LMBR1: variants seen among roughly 807,000 people sequenced by gnomAD.
LMBR1 encodes the protein limb development membrane protein 1.
LMBR1 carries 52 observed loss-of-function variants against 73.9 expected under a neutral mutation model. The ratio of observed to expected loss-of-function variants is 0.70; its 90% CI spans 0.56 to 0.89. The LOEUF (loss-of-function observed/expected upper bound fraction) is 0.89. Among genes scored for constraint, LMBR1 ranks in the 40% least tolerant of loss-of-function variants. The pLI is 0.00. For synonymous variants in LMBR1, 215 were observed against 209.4 expected (o/e 1.03, Z -0.23); for missense variants, 539 against 579.8 (o/e 0.93, Z 0.72).
At chr7:156,857,497 T>A (rs1369622910) in intron 1 of LMBR1, among the ~76,000 whole-genome samples, 1 of 152,234 alleles carries the variant, frequency 6.6e-6, no homozygotes, top group Admixed American at 6.5e-5. Flanking sequence ...ATGAATCTAC[T>A]ATTATAGTTG....
At chr7:156,845,935 T>G (rs1328972974) in intron 1 of LMBR1, among the ~76,000 whole-genome samples, 11 of 151,294 alleles carry the variant, frequency 7.3e-5, no homozygotes, top group Admixed American at 7.2e-4. Context: ...TGAATCTTCA[T>G]GTACCAAAAA....
At chr7:156,822,037 C>T (rs1197072374) in intron 4 of LMBR1, among the ~76,000 whole-genome samples, 1 of 152,212 alleles carries the variant, frequency 6.6e-6, no homozygotes, top group Non-Finnish European at 1.5e-5. Flanking sequence ...GACAAATTTC[C>T]ATAGCATTGT....
intron 4 of LMBR1, among the ~76,000 whole-genome samples, chr7:156,817,114 C>G (rs1046759061): frequency 6.6e-6 from 1 of 152,020 alleles, no homozygotes. Context: ...TAAAACAAAA[C>G]AAGACTGAAT....
chr7:156,810,535 G>A (rs1233532667), intron 4 of LMBR1, among the ~76,000 whole-genome samples: 1 of 152,100 alleles, frequency 6.6e-6, no homozygotes, highest in African/African-American at 2.4e-5. Flanking sequence ...TGGGATTACA[G>A]GCATGCACCA....
rs914366750 is a variant in LMBR1 at position 156,708,484 on chromosome 7, C to T, written c.1225+15628G>A. Among the ~76,000 whole-genome samples, 6 of 152,174 alleles carry T rather than the reference C, an allele frequency of 3.9e-5. No individual in the cohort carries two copies. In the East Asian group the frequency reaches 1.2e-3, roughly 29 times the overall value. On this transcript the variant is annotated intron_variant, in intron 15 of 16. Coordinates refer to ENST00000353442, the MANE Select transcript of LMBR1 (RefSeq NM_022458.4). ...TCAGTGGCAGGAAGAGCCCTGTAGG[C>T]TCTCCCAGTCTCCAGCTCAAGCCCA... is the stretch of plus-strand genomic sequence containing the variant.
intron 5 of LMBR1, among the ~76,000 whole-genome samples, chr7:156,785,568 A>G (rs917115451): frequency 6.6e-6 from 1 of 152,138 alleles, no homozygotes; most frequent in Non-Finnish European, 1.5e-5. Context: ...TTGGAAAAAA[A>G]TCTTCCTTCA....
At chr7:156,691,827 T>C (rs1807247535) in intron 15 of LMBR1, among the ~76,000 whole-genome samples, 1 of 152,202 alleles carries the variant, frequency 6.6e-6, no homozygotes, top group African/African-American at 2.4e-5. Context: ...AAAGGTTAGA[T>C]TATTAGACTA....
At chr7:156,830,427 A>G (rs552432759) in intron 3 of LMBR1, among the ~76,000 whole-genome samples, 1 of 152,350 alleles carries the variant, frequency 6.6e-6, no homozygotes, top group Non-Finnish European at 1.5e-5. Flanking sequence ...TCTAATCAAG[A>G]AGTACATATG....
intron 4 of LMBR1, among the ~76,000 whole-genome samples, chr7:156,798,696 CATT>C (rs987044217): frequency 6.6e-6 from 1 of 151,940 alleles, no homozygotes; most frequent in African/African-American, 2.4e-5. Context: ...ATGTAAATTA[CATT>C]ATTATTATTC....
intron 1 of LMBR1, among the ~76,000 whole-genome samples, chr7:156,876,215 A>C (rs1800146917): frequency 6.6e-6 from 1 of 152,256 alleles, no homozygotes. Context: ...CAGTTAAAAA[A>C]GACAAAGAGG....
chr7:156,816,531 G>GA (rs1247237244), intron 4 of LMBR1, among the ~76,000 whole-genome samples: 1 of 152,170 alleles, frequency 6.6e-6, no homozygotes, highest in Non-Finnish European at 1.5e-5. Flanking sequence ...CAAGAAATTA[G>GA]ATGCCTGTTT....
intron 15 of LMBR1, among the ~76,000 whole-genome samples, chr7:156,713,885 A>ATATTTTCTG: frequency 6.6e-6 from 1 of 152,238 alleles, no homozygotes; most frequent in Middle Eastern, 3.4e-3. Flanking sequence ...TAGAAACTCT[A>ATATTTTCTG]TATTTTCTGT....
At chr7:156,736,510 T>C (rs1432037500) in intron 9 of LMBR1, 1 of 456,336 alleles carries the variant, frequency 2.2e-6, no homozygotes, top group Non-Finnish European at 4.4e-6. Flanking sequence ...TGCTATCATG[T>C]CTCCTCCCTC....
At chr7:156,803,383 C>CA (rs1563400401) in intron 4 of LMBR1, among the ~76,000 whole-genome samples, 1 of 151,802 alleles carries the variant, frequency 6.6e-6, no homozygotes, top group Non-Finnish European at 1.5e-5. Context: ...TTTATGCAGC[C>CA]AAAAAACACA....
intron 1 of LMBR1, chr7:156,892,679 A>C (rs2134680982): frequency 3.0e-4 from 78 of 260,010 alleles, no homozygotes; most frequent in East Asian, 7.9e-4. Context: ...GCGAGGGGGC[A>C]GGGGAGGCAA....
intron 4 of LMBR1, among the ~76,000 whole-genome samples, chr7:156,802,364 A>G (rs1394080852): frequency 6.6e-6 from 1 of 152,226 alleles, no homozygotes; most frequent in African/African-American, 2.4e-5. Context: ...AGGCATGAAT[A>G]TATTTCTACA....
chr7:156,847,008 G>C (rs1203783433), intron 1 of LMBR1, among the ~76,000 whole-genome samples: 1 of 152,052 alleles, frequency 6.6e-6, no homozygotes, highest in Non-Finnish European at 1.5e-5. Context: ...AAAGAGGACT[G>C]ACACTACCCA....
intron 15 of LMBR1, among the ~76,000 whole-genome samples, chr7:156,698,416 T>C (rs1250223938): frequency 6.6e-6 from 1 of 152,226 alleles, no homozygotes; most frequent in Non-Finnish European, 1.5e-5. Context: ...TTTCATTCCG[T>C]ACTGCCCTAG....
intron 3 of LMBR1, among the ~76,000 whole-genome samples, chr7:156,829,374 G>A (rs866769288): frequency 6.6e-6 from 1 of 152,170 alleles, no homozygotes; most frequent in Non-Finnish European, 1.5e-5. Flanking sequence ...GTACTGGATC[G>A]TAGGAGCAGA....
Sources: allele counts gnomAD v4.1 joint callset (sites outside exome capture counted in the v4.1 genomes callset), GRCh38; gene constraint gnomAD v4.1.1; transcripts MANE v1.5; gene names NCBI Gene and HGNC (gene_info 2026-07-23, HGNC 2026-07-21).